The following TG variants were observed in gnomAD, a reference collection of about 807,000 sequenced individuals.
The protein encoded by TG is thyroid hormones.
TG carries 270 observed loss-of-function variants against 324.7 expected under a neutral mutation model. The observed-to-expected ratio is 0.83, with a 90% CI of 0.75 to 0.92. The LOEUF (loss-of-function observed/expected upper bound fraction) is 0.92. Among genes scored for constraint, TG ranks in the 40% least tolerant of loss-of-function variants. The pLI is 0.00. For synonymous variants in TG, 1,401 were observed against 1,327.0 expected (o/e 1.06, Z -1.21); for missense variants, 3,591 against 3,456.4 (o/e 1.04, Z -0.98).
At chr8:133,052,203 G>T (rs1840535693) in intron 41 of TG, among the ~76,000 whole-genome samples, 1 of 152,232 alleles carries the variant, frequency 6.6e-6, no homozygotes, top group Non-Finnish European at 1.5e-5. Context: ...TCTAAAGAGA[G>T]ATTAAATACT....
At chr8:133,066,414 T>C (rs1001643274) in intron 41 of TG, among the ~76,000 whole-genome samples, 53 of 151,682 alleles carry the variant, frequency 3.5e-4, no homozygotes, top group African/African-American at 1.3e-3. Flanking sequence ...TTTTAGAATC[T>C]CTGTTTCATA....
At chr8:132,960,909 G>A in intron 27 of TG, 99 bp from the exon 28 acceptor site, 1 of 1,211,176 alleles carries the variant, frequency 8.3e-7, no homozygotes, top group South Asian at 1.2e-5. Flanking sequence ...TTCAGGCCTA[G>A]GAAGAGCCTG....
Position 132,882,960 on chromosome 8 carries a change from A to G in TG, c.1036A>G (p.Met346Val). The change falls in exon 8 of 48, where the codon ATG becomes GTG. Residue 346 changes from methionine to valine, a missense_variant. Coordinates refer to ENST00000220616, the MANE Select transcript of TG (RefSeq NM_003235.5). ...GTGTGTGGACGCCCAGGGGAAGGAA[A>G]TGCATGGAACCCGGCAGCAAGGGGA... ...CWCVDAQGKE[M>V]HGTRQQGEPP... The G allele has an allele frequency of 6.2e-7, 1 of 1,614,098 alleles. No individual in the cohort carries two copies. Among genetic ancestry groups the G allele is most frequent in the East Asian group, 2.2e-5 (1 of 44,872 alleles).
intron 23 of TG, 109 bp downstream of exon 23, chr8:132,929,301 A>G (rs1822343061): frequency 2.4e-6 from 2 of 838,566 alleles, no homozygotes; most frequent in African/African-American, 1.7e-5. Context: ...ATTTAAAAAC[A>G]TACTTTATCA....
chr8:132,971,335 G>C (rs1272416356), intron 32 of TG, among the ~76,000 whole-genome samples: 3 of 152,152 alleles, frequency 2.0e-5, no homozygotes, highest in African/African-American at 7.2e-5. Flanking sequence ...CTCGGCTCTG[G>C]CTGCTTACAC....
At position 133,102,090 on chromosome 8, in the gene TG, G is replaced by T. The variant is rs191625626; in HGVS notation, c.7572+5717G>T. Among the ~76,000 whole-genome samples, 14 of 152,262 alleles carry T rather than the reference G, an allele frequency of 9.2e-5. No homozygotes were observed. The East Asian group carries it at 2.5e-3, about 27-fold the overall frequency. On this transcript the variant is annotated intron_variant, in intron 43 of 47. Transcript: ENST00000220616. The stretch of plus-strand genomic sequence containing the variant: ...AATAGTTTGGCTTCAATAAATGTTC[G>T]TTCTTTTCCCTTAATTTTTTAATTT...
rs774237465 is a variant in TG, at chr8:132,888,429, C to T, written c.2622C>T (p.Gly874=). The T allele has an allele frequency of 1.2e-6, 2 of 1,612,958 alleles. No individual in the cohort carries two copies. Among genetic ancestry groups the T allele is most frequent in the Admixed American group, 1.7e-5 (1 of 59,968 alleles). ...ACCTCTTCTGGCAGATCTTAAATGGCCAACTCAGCCAATACCCGGGGTCCT... is the reference window on the plus strand; with the variant it reads ...ACCTCTTCTGGCAGATCTTAAATGGTCAACTCAGCCAATACCCGGGGTCCT... The part of the protein sequence containing the change: ...EPYLFWQILN[G]QLSQYPGSYS... Residue 874 remains glycine, a synonymous_variant, in exon 10 of 48, where the codon GGC becomes GGT. Coordinates refer to ENST00000220616, the MANE Select transcript of TG (RefSeq NM_003235.5).
At chr8:133,018,059 A>G (rs1414411903) in intron 38 of TG, 62 bp downstream of exon 38, 3 of 1,518,990 alleles carry the variant, frequency 2.0e-6, no homozygotes, top group Admixed American at 1.8e-5. Context: ...ATTCTAATCT[A>G]TCCAAATGGG....
chr8:133,071,135 C>T (rs1843945508), intron 41 of TG, among the ~76,000 whole-genome samples: 2 of 152,272 alleles, frequency 1.3e-5, no homozygotes, highest in African/African-American at 4.8e-5. Context: ...GATGAGGCTT[C>T]GTGTACAACA....
At chr8:133,043,993 C>T (rs748335067) in intron 41 of TG, among the ~76,000 whole-genome samples, 2 of 152,160 alleles carry the variant, frequency 1.3e-5, no homozygotes, top group Non-Finnish European at 2.9e-5. Context: ...GGGCCAGGCA[C>T]CCTCCCCACT....
chr8:133,068,667 C>G (rs989603667), intron 41 of TG, among the ~76,000 whole-genome samples: 18 of 152,198 alleles, frequency 1.2e-4, no homozygotes, highest in Admixed American at 1.0e-3. Flanking sequence ...GCAAGGGGCT[C>G]AGTGACCCAG....
rs1474404634 is a variant in TG, at chr8:133,102,416, C to A, written c.7572+6043C>A. 7 of 713,402 alleles carry A rather than the reference C, an allele frequency of 9.8e-6. No homozygotes were observed. In the Admixed American group the frequency reaches 1.8e-4, roughly 18 times the overall value. The allele number at this position is 713,402 out of a possible 1,614,324, so 44.2% of individuals were successfully genotyped here. A position where few individuals can be genotyped will look rare whatever the true frequency, so the allele number is the denominator to read the frequency against. On this transcript the variant is annotated intron_variant, in intron 43 of 47. Coordinates refer to ENST00000220616, the MANE Select transcript of TG (RefSeq NM_003235.5). ...GCTACTCACCACCAGCAGAGACCCA[C>A]CCATTTTCTTCAGACCAAAGACGGA...
At chr8:133,012,587 G>A (rs1378456443) in intron 36 of TG, among the ~76,000 whole-genome samples, 2 of 152,202 alleles carry the variant, frequency 1.3e-5, no homozygotes, top group Non-Finnish European at 2.9e-5. Context: ...GTTCTACAAA[G>A]AATTTTAGCT....
At chr8:132,999,928 C>T (rs181538090) in intron 35 of TG, among the ~76,000 whole-genome samples, 1 of 152,268 alleles carries the variant, frequency 6.6e-6, no homozygotes, top group East Asian at 1.9e-4. Context: ...ACCTACATCC[C>T]CCTGTGGGAC....
chr8:132,922,830 A>T (rs891652187), intron 21 of TG, among the ~76,000 whole-genome samples: 3 of 152,180 alleles, frequency 2.0e-5, no homozygotes, highest in Non-Finnish European at 4.4e-5. Flanking sequence ...TTCCACTCTC[A>T]TGATCTAGTC....
intron 23 of TG, among the ~76,000 whole-genome samples, chr8:132,931,688 G>T (rs1428687974): frequency 6.6e-6 from 1 of 152,108 alleles, no homozygotes; most frequent in Non-Finnish European, 1.5e-5. Context: ...TTGTTTTCTT[G>T]ACTGAATTTG....
chr8:133,116,522 G>T, intron 44 of TG, 87 bp from the exon 45 acceptor site: 1 of 1,276,008 alleles, frequency 7.8e-7, no homozygotes, highest in Non-Finnish European at 1.1e-6. Context: ...GGCCCAGGGG[G>T]CCCCTTGCTG....
chr8:132,881,261 CTCTT>C (rs1814603734), intron 5 of TG, among the ~76,000 whole-genome samples: 1 of 152,168 alleles, frequency 6.6e-6, no homozygotes, highest in South Asian at 2.1e-4. Flanking sequence ...ATTAGAGAAT[CTCTT>C]TCTTCAGTTT....
chr8:133,057,145 C>T (rs1003630191), intron 41 of TG, among the ~76,000 whole-genome samples: 6 of 151,290 alleles, frequency 4.0e-5, no homozygotes, highest in Non-Finnish European at 8.8e-5. Flanking sequence ...TACCCTTGCA[C>T]GGACAGAAAG....
Sources: gnomAD v4.1 joint callset for allele counts (sites outside exome capture counted in the v4.1 genomes callset) on GRCh38, gnomAD v4.1.1 for gene constraint, MANE v1.5 for transcripts, NCBI Gene and HGNC (gene_info 2026-07-23, HGNC 2026-07-21) for gene names.